AP3S2: variants seen among roughly 807,000 people sequenced by gnomAD.
AP3S2 encodes the protein adaptor related protein complex 3 subunit sigma 2, also known as AP-3 complex subunit sigma-2.
A neutral mutation model predicts 23.4 loss-of-function variants in AP3S2; 22 were observed. The observed-to-expected ratio is 0.94, with a 90% CI of 0.67 to 1.34. The LOEUF (loss-of-function observed/expected upper bound fraction) is 1.34. Ranked by LOEUF, AP3S2 falls within the 40% of genes most tolerant of loss-of-function variation. The pLI is 0.00. For missense variants in AP3S2, 241 were observed against 236.9 expected (o/e 1.02, Z -0.11); for synonymous variants, 86 against 87.1 (o/e 0.99, Z 0.07).
chr15:89,863,317 C>T (rs1896047163), intron 4 of AP3S2, among the ~76,000 whole-genome samples: 1 of 151,994 alleles, frequency 6.6e-6, no homozygotes, highest in African/African-American at 2.4e-5. Flanking sequence ...TGCATGAGAA[C>T]AATGGAAATG....
At chr15:89,837,500 G>T in intron 5 of AP3S2, 115 bp downstream of exon 5, 1 of 1,182,778 alleles carries the variant, frequency 8.5e-7, no homozygotes, top group Non-Finnish European at 1.2e-6. Context: ...GAAGAAAGAA[G>T]ATGAGTATCA....
intron 4 of AP3S2, among the ~76,000 whole-genome samples, chr15:89,841,369 C>T (rs1458597138): frequency 6.6e-6 from 1 of 152,190 alleles, no homozygotes; most frequent in African/African-American, 2.4e-5. Context: ...GGAGCTCAGG[C>T]AGGGACTCCT....
intron 4 of AP3S2, among the ~76,000 whole-genome samples, chr15:89,845,051 G>A (rs948935603): frequency 1.3e-4 from 19 of 151,730 alleles, no homozygotes; most frequent in African/African-American, 3.4e-4. Flanking sequence ...GACTACAGGC[G>A]CCCGCCACCA....
chr15:89,891,590 C>T (rs1896822172), intron 1 of AP3S2, among the ~76,000 whole-genome samples: 1 of 150,364 alleles, frequency 6.7e-6, no homozygotes, highest in South Asian at 2.1e-4. Flanking sequence ...ACCCGGGAGG[C>T]AGAGGTTACA....
intron 1 of AP3S2, among the ~76,000 whole-genome samples, chr15:89,892,885 C>G (rs1053465429): frequency 1.3e-5 from 2 of 152,150 alleles, no homozygotes; most frequent in Non-Finnish European, 2.9e-5. Flanking sequence ...AGGATGGTCT[C>G]CATCTCCTGA....
intron 3 of AP3S2, among the ~76,000 whole-genome samples, chr15:89,880,780 A>G (rs1352974558): frequency 2.6e-5 from 4 of 152,182 alleles, no homozygotes; most frequent in Non-Finnish European, 5.9e-5. Flanking sequence ...AAGGGTAAAA[A>G]CTAAATCCAA....
chr15:89,893,447 C>CAA, intron 1 of AP3S2: 18 of 303,964 alleles, frequency 5.9e-5, no homozygotes, highest in African/African-American at 8.9e-5. Context: ...AAAATAATTC[C>CAA]AAAAAAAAAA....
chr15:89,885,724 C>T (rs767865688), intron 3 of AP3S2, among the ~76,000 whole-genome samples: 1 of 150,962 alleles, frequency 6.6e-6, no homozygotes, highest in African/African-American at 2.4e-5. Flanking sequence ...GGAAGACTGC[C>T]TGAGCTGAGA....
chr15:89,888,764 T>C, intron 2 of AP3S2, 132 bp from the exon 3 acceptor site: 2 of 1,037,590 alleles, frequency 1.9e-6, no homozygotes, highest in Admixed American at 5.5e-5. Flanking sequence ...CCATTCTTAC[T>C]AGGTGAATGG....
intron 3 of AP3S2, 43 bp downstream of exon 3, chr15:89,888,478 A>G (rs766842840): frequency 6.3e-7 from 1 of 1,598,158 alleles, no homozygotes; most frequent in African/African-American, 1.3e-5. Context: ...AATCCCGTGG[A>G]AACTCTCTAA....
chr15:89,889,360 T>C lies in AP3S2; in HGVS notation c.70-220A>G. 4 of 543,932 alleles carry C rather than the reference T, an allele frequency of 7.4e-6. No individual in the cohort carries two copies. The South Asian group carries it at 8.5e-5, about 12-fold the overall frequency. The allele number at this position is 543,932 out of a possible 1,614,324, so 33.7% of individuals were successfully genotyped here. On this transcript the variant is annotated intron_variant, in intron 1 of 5. Coordinates refer to ENST00000336418, the MANE Select transcript of AP3S2 (RefSeq NM_005829.5). ...GGAATTAAGATAGGGTATATTTACC[T>C]AAATATCTAAGTCACTAACCATTAC...
At chr15:89,878,559 CTTATTT>C (rs1417080126) in intron 3 of AP3S2, among the ~76,000 whole-genome samples, 1 of 152,070 alleles carries the variant, frequency 6.6e-6, no homozygotes, top group Non-Finnish European at 1.5e-5. Flanking sequence ...TGAAAATATT[CTTATTT>C]TTATCTTATT....
intron 4 of AP3S2, among the ~76,000 whole-genome samples, chr15:89,839,773 A>G (rs1229696618): frequency 1.8e-4 from 28 of 152,226 alleles, no homozygotes; most frequent in Non-Finnish European, 3.5e-4. Context: ...GTGTCCATGA[A>G]CAGACGACTG....
chr15:89,844,007 A>T (rs1209179113), intron 4 of AP3S2, among the ~76,000 whole-genome samples: 1 of 152,188 alleles, frequency 6.6e-6, no homozygotes, highest in African/African-American at 2.4e-5. Flanking sequence ...GGGAGGTAGA[A>T]TACGAACACT....
At chr15:89,862,672 G>A (rs1896033489) in intron 4 of AP3S2, among the ~76,000 whole-genome samples, 1 of 152,162 alleles carries the variant, frequency 6.6e-6, no homozygotes, top group Non-Finnish European at 1.5e-5. Flanking sequence ...ACAGAGGATG[G>A]TAGTAACACT....
rs1382680424 is a variant in AP3S2 at position 89,833,201 on chromosome 15, C to T, written c.*2314G>A. 6.6e-6 allele frequency: 1 copy of T among 152,188 alleles called. No homozygotes were observed. The highest frequency in any genetic ancestry group is 1.5e-5 in the Non-Finnish European group (1 of 68,046). 9.4% of individuals were successfully genotyped at this position (152,188 alleles called of 1,614,324 possible). A position where few individuals can be genotyped will look rare whatever the true frequency, so the allele number is the denominator to read the frequency against. On this transcript the variant is annotated 3_prime_UTR_variant, in exon 6 of 6. Coordinates refer to ENST00000336418, the MANE Select transcript of AP3S2 (RefSeq NM_005829.5). ...TTACCACCTTGGGCTTCGGCTTCAA[C>T]ATCAGTTAAATGGAGGGACACAGAC...
At chr15:89,889,182 A>G in intron 1 of AP3S2, 42 bp from the exon 2 acceptor site, 1 of 1,610,432 alleles carries the variant, frequency 6.2e-7, no homozygotes, top group East Asian at 2.2e-5. Context: ...GCAAGCCTGA[A>G]AAACTACATC....
At position 89,862,461 on chromosome 15, in the gene AP3S2, T is replaced by C. The variant is rs560449042; in HGVS notation, c.345+9014A>G. On this transcript the variant is annotated intron_variant, in intron 4 of 5. Coordinates refer to ENST00000336418, the MANE Select transcript of AP3S2 (RefSeq NM_005829.5). The stretch of plus-strand genomic sequence containing the variant: ...CATATTTAGGGATGAAAAGTTATGA[T>C]GTCTGCAACTAATTCTCAAAATCGT... Among the ~76,000 whole-genome samples, 8 of 152,322 alleles carry C rather than the reference T, an allele frequency of 5.3e-5. No homozygotes were observed. The South Asian group carries it at 1.7e-3, about 32-fold the overall frequency.
chr15:89,878,129 T>C (rs958484025), intron 3 of AP3S2: 5 of 503,736 alleles, frequency 9.9e-6, no homozygotes, highest in Non-Finnish European at 1.7e-5. Context: ...ATAAATGTTA[T>C]GCAGATGTTC....
Sources: allele counts gnomAD v4.1 joint callset (sites outside exome capture counted in the v4.1 genomes callset), GRCh38; gene constraint gnomAD v4.1.1; transcripts MANE v1.5; gene names NCBI Gene and HGNC (gene_info 2026-07-23, HGNC 2026-07-21).